The following PPFIA1 variants were observed in gnomAD, a reference collection of about 807,000 sequenced individuals.
The protein encoded by PPFIA1 is PPFI scaffold protein A1, also known as liprin-alpha-1.
A neutral mutation model predicts 149.9 loss-of-function variants in PPFIA1; 25 were observed. That is an observed-to-expected ratio of 0.17 (90% CI 0.12 to 0.23). The LOEUF is 0.23. Ranked by LOEUF, PPFIA1 falls within the 10% of genes least tolerant of loss-of-function variation. PPFIA1 has a pLI of 1.00. For synonymous variants in PPFIA1, 549 were observed against 552.8 expected, an observed-to-expected ratio of 0.99 and a Z score of 0.10; for missense variants, 1,362 against 1,506.5, an observed-to-expected ratio of 0.90 and a Z score of 1.59.
In PPFIA1 at chr11:70,374,952, C is replaced by A. The variant is rs773592905; in HGVS notation, c.3174C>A (p.Arg1058=). ...VLVWSNDRVI[R]WILSIGLKEY... ...TTTGGAGCAATGATCGAGTGATTCG[C>A]TGGATCCTGTCAATTGGCCTTAAAG... Residue 1058 remains arginine, a synonymous_variant, in exon 24 of 28, where the codon CGC becomes CGA. Transcript: ENST00000253925. 1 of 1,612,864 alleles carries A rather than the reference C, an allele frequency of 6.2e-7. No homozygotes were observed. The highest frequency in any genetic ancestry group is 8.5e-7 in the Non-Finnish European group (1 of 1,179,686).
intron 21 of PPFIA1, among the ~76,000 whole-genome samples, chr11:70,369,033 G>T (rs187752963): frequency 1.3e-5 from 2 of 148,886 alleles, no homozygotes; most frequent in South Asian, 2.2e-4. Context: ...CAAGTGACCC[G>T]CCCACCTCTG....
chr11:70,374,019 ATATTTTTAGAGTGGC>A (rs1386918627), intron 23 of PPFIA1: 4 of 152,214 alleles, frequency 2.6e-5, no homozygotes, highest in African/African-American at 9.6e-5. Flanking sequence ...TCATCTGCAT[ATATTTTTAGAGTGGC>A]TATTTTTAGA....
intron 2 of PPFIA1, among the ~76,000 whole-genome samples, chr11:70,288,076 T>G (rs1228940300): frequency 1.3e-5 from 2 of 151,936 alleles, no homozygotes; most frequent in Admixed American, 6.6e-5. Flanking sequence ...CTGCTTTTTT[T>G]TTTTTTTTTC....
chr11:70,335,840 A>C, intron 11 of PPFIA1, 146 bp downstream of exon 11: 1 of 881,464 alleles, frequency 1.1e-6, no homozygotes, highest in Non-Finnish European at 1.7e-6. Context: ...AGGTATGCAC[A>C]GTTATCCAGT....
intron 25 of PPFIA1, among the ~76,000 whole-genome samples, chr11:70,376,962 A>G (rs1287181125): frequency 1.3e-5 from 2 of 152,012 alleles, no homozygotes; most frequent in Non-Finnish European, 2.9e-5. Context: ...AATCGCAGCT[A>G]CTTGGGAGGC....
At chr11:70,359,919 C>T (rs1341581066) in intron 19 of PPFIA1, among the ~76,000 whole-genome samples, 1 of 152,248 alleles carries the variant, frequency 6.6e-6, no homozygotes, top group Non-Finnish European at 1.5e-5. Flanking sequence ...TGCATCCCCT[C>T]GACACAGGGG....
chr11:70,278,134 C>T (rs977411346), intron 2 of PPFIA1, among the ~76,000 whole-genome samples: 2 of 151,972 alleles, frequency 1.3e-5, no homozygotes, highest in African/African-American at 4.8e-5. Flanking sequence ...TGGTCTCTAT[C>T]TGTTGACCTG....
At chr11:70,353,526 G>A (rs1245804225) in intron 16 of PPFIA1, among the ~76,000 whole-genome samples, 3 of 152,178 alleles carry the variant, frequency 2.0e-5, no homozygotes, top group Non-Finnish European at 4.4e-5. Flanking sequence ...CCCTGCAGGG[G>A]TGAGTCTGTT....
chr11:70,314,530 C>T (rs1218286685), intron 2 of PPFIA1, among the ~76,000 whole-genome samples: 1 of 152,196 alleles, frequency 6.6e-6, no homozygotes, highest in Non-Finnish European at 1.5e-5. Flanking sequence ...AATTATCTTA[C>T]TTCCAACTCT....
At chr11:70,280,135 T>C (rs1294086766) in intron 2 of PPFIA1, among the ~76,000 whole-genome samples, 9 of 152,004 alleles carry the variant, frequency 5.9e-5, no homozygotes, top group Non-Finnish European at 1.3e-4. Flanking sequence ...CTCAAACTCC[T>C]GGACTTAAGT....
chr11:70,324,534 C>A, intron 3 of PPFIA1, 31 bp downstream of exon 3: 2 of 1,534,732 alleles, frequency 1.3e-6, no homozygotes, highest in Non-Finnish European at 1.8e-6. Flanking sequence ...CACTGCCTGC[C>A]CCTGGAGCCA....
At position 70,362,293 on chromosome 11, in the gene PPFIA1, G is replaced by T. The variant is rs777954879; in HGVS notation, c.2670G>T (p.Trp890Cys). The change falls in exon 21 of 28, where the codon TGG (tryptophan) becomes TGT (cysteine). Residue 890 changes from tryptophan (W) to cysteine (C), a missense_variant. Trp to Cys is a radical substitution (Grantham distance 215, BLOSUM62 -2). Coordinates refer to ENST00000253925, the MANE Select transcript of PPFIA1 (RefSeq NM_003626.5). Reference protein sequence around the residue: ...GPTVVVWLELWVGMPAWYVAA... With the variant: ...GPTVVVWLELCVGMPAWYVAA... ...CTTCCGCTTTCCGCCTCCAGCTCTG[G>T]GTTGGGATGCCAGCCTGGTATGTGG... is the stretch of plus-strand genomic sequence containing the variant. 8 of 1,614,132 alleles carry T rather than the reference G, an allele frequency of 5.0e-6. No homozygotes were observed. Among genetic ancestry groups the T allele is most frequent in the East Asian group, 2.2e-5 (1 of 44,884 alleles).
At chr11:70,310,419 C>T (rs183658837) in intron 2 of PPFIA1, among the ~76,000 whole-genome samples, 1 of 145,228 alleles carries the variant, frequency 6.9e-6, no homozygotes, top group Admixed American at 7.0e-5. Context: ...CGGAGTCTTG[C>T]TCTGTCGACA....
Position 70,324,521 on chromosome 11 carries a change from G to C in PPFIA1, c.366+18G>C, listed in dbSNP as rs753083031. The C allele has an allele frequency of 3.8e-6, 6 of 1,574,662 alleles. No individual in the cohort carries two copies. Among genetic ancestry groups the C allele is most frequent in the Non-Finnish European group, 4.4e-6 (5 of 1,146,340 alleles). ...ACACCAGGGTGAGTGTGACCTTTCTGTTCACTGCCTGCCCCTGGAGCCACT... is the reference window on the plus strand; with the variant it reads ...ACACCAGGGTGAGTGTGACCTTTCTCTTCACTGCCTGCCCCTGGAGCCACT... On this transcript the variant is annotated intron_variant, in intron 3 of 27. Transcript: ENST00000253925.
chr11:70,313,093 A>G (rs1412184327), intron 2 of PPFIA1, among the ~76,000 whole-genome samples: 1 of 152,110 alleles, frequency 6.6e-6, no homozygotes, highest in Non-Finnish European at 1.5e-5. Flanking sequence ...ATGTTGAGCG[A>G]GCTGTAGATT....
intron 14 of PPFIA1, among the ~76,000 whole-genome samples, chr11:70,342,935 C>CGTT (rs1565421266): frequency 8.7e-5 from 9 of 103,152 alleles, no homozygotes; most frequent in African/African-American, 3.4e-4. Flanking sequence ...AAATGTACCA[C>CGTT]CTTTTTTTTT....
intron 1 of PPFIA1, 128 bp from the exon 2 acceptor site, chr11:70,272,045 C>A: frequency 9.4e-7 from 1 of 1,061,772 alleles, no homozygotes; most frequent in Non-Finnish European, 1.4e-6. Context: ...TATTTACACA[C>A]AAAGCATAAC....
At chr11:70,282,619 C>G (rs994802194) in intron 2 of PPFIA1, among the ~76,000 whole-genome samples, 12 of 147,932 alleles carry the variant, frequency 8.1e-5, no homozygotes, top group African/African-American at 2.8e-4. Flanking sequence ...AGCTCCACCC[C>G]CTGGGTTCAC....
chr11:70,296,708 A>G (rs2052055233), intron 2 of PPFIA1, among the ~76,000 whole-genome samples: 1 of 120,710 alleles, frequency 8.3e-6, no homozygotes, highest in African/African-American at 3.4e-5. Flanking sequence ...GGAGCGGGAG[A>G]CCATGGGGAG....
Sources: allele counts gnomAD v4.1 joint callset (sites outside exome capture counted in the v4.1 genomes callset), GRCh38; gene constraint gnomAD v4.1.1; transcripts MANE v1.5; gene names NCBI Gene and HGNC (gene_info 2026-07-23, HGNC 2026-07-21).